Variants in VAV1 observed in about 807,000 individuals in gnomAD.
VAV1 encodes the protein vav guanine nucleotide exchange factor 1, also known as proto-oncogene vav.
VAV1 carries 33 observed loss-of-function variants against 128.1 expected under a neutral mutation model. The ratio of observed to expected loss-of-function variants is 0.26; its 90% confidence interval spans 0.20 to 0.34. VAV1 has a LOEUF of 0.34. Ranked by LOEUF, VAV1 falls within the 10% of genes least tolerant of loss-of-function variation. The pLI is 1.00. For missense variants in VAV1, 715 were observed against 1,093.7 expected, an observed-to-expected ratio of 0.65 and a Z score of 4.88; for synonymous variants, 394 against 409.8, an observed-to-expected ratio of 0.96 and a Z score of 0.47.
intron 24 of VAV1, among the ~76,000 whole-genome samples, chr19:6,852,720 C>CAA (rs201171114): frequency 1.4e-3 from 198 of 138,638 alleles, no homozygotes; most frequent in African/African-American, 5.5e-3. Context: ...GACTCCGTCT[C>CAA]AAAGAAAAAA....
chr19:6,800,610 TC>T (rs1419584883), intron 1 of VAV1, among the ~76,000 whole-genome samples: 4 of 145,892 alleles, frequency 2.7e-5, no homozygotes, highest in Non-Finnish European at 4.5e-5. Context: ...ACACCCAGCT[TC>T]TTTTTTTTGT....
Position 6,852,985 on chromosome 19 carries a change from G to C in VAV1, c.2238G>C (p.Gln746His). The change falls in exon 25 of 27, where the codon CAG becomes CAC. Residue 746 changes from glutamine to histidine, a missense_variant. Around this residue, in one of 3 missense-constraint regions of VAV1, gnomAD observed 407 missense variants for 580.6 expected, o/e 0.70. Transcript: ENST00000602142. ...RGLTELVEFY[Q>H]QNSLKDCFKS... is the part of the protein sequence containing the mutation. ...TCTAGGAGCTGGTGGAGTTTTACCA[G>C]CAGAACTCTCTAAAGGATTGCTTCA... 6.2e-7 allele frequency: 1 copy of C among 1,610,378 alleles called. No homozygotes were observed. The highest frequency in any genetic ancestry group is 8.5e-7 in the Non-Finnish European group (1 of 1,177,620).
At chr19:6,801,600 G>A (rs1298562429) in intron 1 of VAV1, among the ~76,000 whole-genome samples, 1 of 152,074 alleles carries the variant, frequency 6.6e-6, no homozygotes, top group Non-Finnish European at 1.5e-5. Flanking sequence ...GGGCTGATGG[G>A]TTGAACGCAA....
chr19:6,782,840 G>A (rs2607465), intron 1 of VAV1, among the ~76,000 whole-genome samples: 32,762 of 150,978 alleles, frequency 0.22, 3,653 homozygotes, highest in African/African-American at 0.25. Flanking sequence ...TATAGATCGC[G>A]CCGCTGCAGT....
At chr19:6,807,555 T>G (rs1971422318) in intron 1 of VAV1, among the ~76,000 whole-genome samples, 1 of 151,958 alleles carries the variant, frequency 6.6e-6, no homozygotes, top group Non-Finnish European at 1.5e-5. Flanking sequence ...GTGGCCCAGT[T>G]CCTAACAGAC....
At chr19:6,847,916 GGGGAAA>G in intron 22 of VAV1, 76 bp from the exon 23 acceptor site, 1 of 1,304,728 alleles carries the variant, frequency 7.7e-7, no homozygotes, top group Non-Finnish European at 1.0e-6. Flanking sequence ...AGGGGTTCAG[GGGGAAA>G]GGCAACCTCC....
rs188727618 is a variant in VAV1 at position 6,850,650 on chromosome 19, C to G, written c.2130-20C>G. 19 of 1,610,982 alleles carry G rather than the reference C, an allele frequency of 1.2e-5. No homozygotes were observed. The highest frequency in any genetic ancestry group is 1.6e-5 in the Non-Finnish European group (19 of 1,177,474). ...GGGCCTGGTCCCCAGACTCAGGGCC[C>G]GGTGACCATCTGGTTCCAGATATAA... On this transcript the variant is annotated intron_variant, in intron 23 of 26. Transcript: ENST00000602142.
At chr19:6,788,587 G>A (rs939668706) in intron 1 of VAV1, among the ~76,000 whole-genome samples, 1 of 152,058 alleles carries the variant, frequency 6.6e-6, no homozygotes, top group Non-Finnish European at 1.5e-5. Context: ...AGATTGGCCA[G>A]GCTGGTCTTG....
In VAV1 at chr19:6,827,895, C is replaced by T; in HGVS notation, c.928-181C>T. ...CCAGTGGTTCTCAAGCTGCCCCCAC[C>T]TCATGGAGTCCTTTTCCTGTTTCCT... On this transcript the variant is annotated intron_variant, in intron 9 of 26. Coordinates refer to ENST00000602142, the MANE Select transcript of VAV1 (RefSeq NM_005428.4). 1.3e-5 allele frequency among the ~76,000 whole-genome samples: 2 copies of T among 152,136 alleles called. 1 individual carries two copies. Among genetic ancestry groups the T allele is most frequent in the Non-Finnish European group, 2.9e-5 (2 of 68,034 alleles).
At chr19:6,814,684 CTTTCTT>C (rs1971596054) in intron 1 of VAV1, among the ~76,000 whole-genome samples, 1 of 111,696 alleles carries the variant, frequency 9.0e-6, no homozygotes, top group African/African-American at 4.2e-5. Context: ...TTCTTTCTTT[CTTTCTT>C]TCTTTCTTTC....
Position 6,777,743 on chromosome 19 carries a change from G to A in VAV1, c.204+4732G>A, listed in dbSNP as rs1191328088. On this transcript the variant is annotated intron_variant, in intron 1 of 26. Coordinates refer to ENST00000602142, the MANE Select transcript of VAV1 (RefSeq NM_005428.4). The surrounding 1 kb of genome is among the most constrained non-coding windows in gnomAD (Gnocchi z 4.4). ...CCCCTTGAGATCTGAGGCCCAGGGAGAGAATGATACCATCATGAGAAGCCA... is the reference window on the plus strand; with the variant it reads ...CCCCTTGAGATCTGAGGCCCAGGGAAAGAATGATACCATCATGAGAAGCCA... 6.6e-6 allele frequency among the ~76,000 whole-genome samples: 1 copy of A among 152,150 alleles called. No homozygotes were observed. The highest frequency in any genetic ancestry group is 1.5e-5 in the Non-Finnish European group (1 of 68,018).
intron 1 of VAV1, among the ~76,000 whole-genome samples, chr19:6,806,149 C>T (rs572358762): frequency 1.9e-4 from 29 of 152,248 alleles, no homozygotes; most frequent in Non-Finnish European, 3.8e-4. Context: ...TACAGTGGCA[C>T]GATCTCGGCT....
At position 6,822,973 on chromosome 19, in the gene VAV1, TA is replaced by T. The variant is rs1254670710; in HGVS notation, c.654+462del. On this transcript the variant is annotated intron_variant, in intron 6 of 26. Coordinates refer to ENST00000602142, the MANE Select transcript of VAV1 (RefSeq NM_005428.4). This position sits in a 1 kb window ranked among gnomAD's most constrained non-coding sequence, Gnocchi z 5.9. Reference sequence around the variant, plus strand: ...ATATGTAAATAATATATACAATATATAAATATATAAAATATAAAATGTAGAT... The same window carrying T: ...ATATGTAAATAATATATACAATATATAATATATAAAATATAAAATGTAGAT... Among the ~76,000 whole-genome samples the T allele has an allele frequency of 6.8e-6, 1 of 147,574 alleles. No individual in the cohort carries two copies. Among genetic ancestry groups the T allele is most frequent in the Non-Finnish European group, 1.5e-5 (1 of 67,056 alleles).
In VAV1 at chr19:6,820,247, T is replaced by A. The variant is rs1971751196; in HGVS notation, c.205-455T>A. 6.6e-6 allele frequency among the ~76,000 whole-genome samples: 1 copy of A among 152,092 alleles called. No homozygotes were observed. Among genetic ancestry groups the A allele is most frequent in the African/African-American group, 2.4e-5 (1 of 41,404 alleles). ...GGCAGGAGGCATGGTTTTTTGTTTGTTTGTTTGAGACAGGGTCTTGCTTTG... is the reference window on the plus strand; with the variant it reads ...GGCAGGAGGCATGGTTTTTTGTTTGATTGTTTGAGACAGGGTCTTGCTTTG... On this transcript the variant is annotated intron_variant, in intron 1 of 26. Transcript: ENST00000602142. The surrounding 1 kb of genome is among the most constrained non-coding windows in gnomAD (Gnocchi z 4.4).
intron 1 of VAV1, among the ~76,000 whole-genome samples, chr19:6,795,308 T>C (rs988857578): frequency 1.3e-5 from 2 of 151,948 alleles, no homozygotes; most frequent in Non-Finnish European, 2.9e-5. Context: ...CATTAACCAA[T>C]CAGGTTAATG....
In VAV1 at chr19:6,772,753, G is replaced by A. The variant is rs866650653; in HGVS notation, c.-55G>A. 6 of 1,567,070 alleles carry A rather than the reference G, an allele frequency of 3.8e-6. No homozygotes were observed. The highest frequency in any genetic ancestry group is 1.3e-5 in the African/African-American group (1 of 74,158). On this transcript the variant is annotated 5_prime_UTR_variant, in exon 1 of 27. Transcript: ENST00000602142. The surrounding 1 kb of genome is among the most constrained non-coding windows in gnomAD (Gnocchi z 4.8). The stretch of plus-strand genomic sequence containing the variant: ...AGGCGAGCAGGGCAGGCGTGCGGGC[G>A]GGTGGGTGGTGGAGGCTGCGAGGGT...
intron 1 of VAV1, among the ~76,000 whole-genome samples, chr19:6,801,464 A>C (rs1971266055): frequency 6.6e-6 from 1 of 151,762 alleles, no homozygotes; most frequent in Admixed American, 6.6e-5. Context: ...GGGCTTCCTC[A>C]CAGAAGGGTT....
intron 22 of VAV1, among the ~76,000 whole-genome samples, chr19:6,846,731 T>C (rs1972531204): frequency 6.8e-6 from 1 of 147,794 alleles, no homozygotes; most frequent in African/African-American, 2.5e-5. Flanking sequence ...ATATTTATAT[T>C]ATATTCATAT....
rs771680595 is a variant in VAV1 at position 6,832,210 on chromosome 19, C to T, written c.1508+10C>T. ...AGTTTGAGATGGCCATGTGAGTCCC[C>T]GTCTTCCTCCCTCTTTCTGTCCACA... On this transcript the variant is annotated intron_variant, in intron 15 of 26. Transcript: ENST00000602142. 21 of 1,612,838 alleles carry T rather than the reference C, an allele frequency of 1.3e-5. No individual in the cohort carries two copies. The highest frequency in any genetic ancestry group is 1.0e-4 in the Admixed American group (6 of 59,950).
Sources: gnomAD v4.1 joint callset for allele counts (sites outside exome capture counted in the v4.1 genomes callset) on GRCh38, gnomAD v4.1.1 for gene constraint, gnomAD v4.1.1 regional missense constraint, Gnocchi (gnomAD v3.1) non-coding constraint, MANE v1.5 for transcripts, NCBI Gene and HGNC (gene_info 2026-07-23, HGNC 2026-07-21) for gene names.